The following SLC9B2 variants were observed in gnomAD, a reference collection of about 807,000 sequenced individuals.
The protein encoded by SLC9B2 is sodium/hydrogen exchanger 9B2.
A neutral mutation model predicts 52.2 loss-of-function variants in SLC9B2; 39 were observed. The ratio of observed to expected loss-of-function variants is 0.75; its 90% CI spans 0.58 to 0.98. The LOEUF (loss-of-function observed/expected upper bound fraction) is 0.98, where lower values mean the gene tolerates loss of function less well. SLC9B2 is among the 50% of genes least tolerant of loss of function. The pLI, the probability that SLC9B2 is intolerant of heterozygous loss-of-function variation, is 0.00. For missense variants in SLC9B2, 626 were observed against 637.5 expected (o/e 0.98, Z 0.19); for synonymous variants, 214 against 227.0 (o/e 0.94, Z 0.51).
At chr4:103,063,013 C>T (rs1178325338) in intron 3 of SLC9B2, among the ~76,000 whole-genome samples, 1 of 152,144 alleles carries the variant, frequency 6.6e-6, no homozygotes, top group African/African-American at 2.4e-5. Context: ...GAAAAATAAG[C>T]GATGAGATGT....
intron 4 of SLC9B2, among the ~76,000 whole-genome samples, chr4:103,054,146 G>C (rs1347916681): frequency 6.6e-6 from 1 of 152,078 alleles, no homozygotes; most frequent in South Asian, 2.1e-4. Context: ...ACATGTGCCT[G>C]TAGTCCCAGC....
Position 103,031,763 on chromosome 4 carries a change from G to A in SLC9B2, c.1192C>T (p.Pro398Ser). ...IIAVAWDIFQ[P>S]LLFGLIGAEV... ...GCTCCAATTAGTCCAAAAAGAAGGG[G>A]CTGAAAAATGTCCCAGGCAACTGCA... Residue 398 changes from proline (P) to serine (S), a missense_variant, in exon 10 of 12, where the codon CCC becomes TCC. Physicochemically the swap from Pro to Ser is moderately conservative, Grantham distance 74 (BLOSUM62 -1). Coordinates refer to ENST00000394785, the MANE Select transcript of SLC9B2 (RefSeq NM_178833.7). 6.2e-7 allele frequency: 1 copy of A among 1,612,762 alleles called. No homozygotes were observed. Among genetic ancestry groups the A allele is most frequent in the Non-Finnish European group, 8.5e-7 (1 of 1,179,200 alleles).
At chr4:103,057,517 G>A (rs867322666) in intron 4 of SLC9B2, among the ~76,000 whole-genome samples, 2 of 151,894 alleles carry the variant, frequency 1.3e-5, no homozygotes, top group Admixed American at 1.3e-4. Flanking sequence ...TGTTTGCCCT[G>A]GCTGGTCTCG....
rs58302558 is a variant in SLC9B2, at chr4:103,065,180, GCACACACA to G, written c.271+1139_271+1146del. On this transcript the variant is annotated intron_variant, in intron 3 of 11. Transcript: ENST00000394785. ...CATGAAAAAAAAAATGTACACACAC[GCACACACA>G]CACACACACACACACACACATATAA... Among the ~76,000 whole-genome samples, 425 of 145,154 alleles carry G rather than the reference GCACACACA, an allele frequency of 2.9e-3. 1 individual carries two copies. The highest frequency in any genetic ancestry group is 0.017 in the Middle Eastern group (5 of 286).
chr4:103,034,162 A>T (rs1236684394), intron 9 of SLC9B2, among the ~76,000 whole-genome samples: 4 of 152,108 alleles, frequency 2.6e-5, no homozygotes, highest in African/African-American at 4.8e-5. Context: ...CACACCTACA[A>T]CCATGTGATC....
At chr4:103,018,900 G>C (rs79920530), downstream of SLC9B2, among the ~76,000 whole-genome samples, 489 of 152,316 alleles carry the variant, frequency 3.2e-3, 5 homozygotes, top group Middle Eastern at 0.017. Flanking sequence ...CCTGTCAGAT[G>C]AGCAAAGGCA....
rs573499435 is a variant in SLC9B2 at position 103,049,971 on chromosome 4, C to T, written c.585+269G>A. Among the ~76,000 whole-genome samples, 9 of 151,714 alleles carry T rather than the reference C, an allele frequency of 5.9e-5. No homozygotes were observed. In the South Asian group the frequency reaches 1.9e-3, roughly 32 times the overall value. On this transcript the variant is annotated intron_variant, in intron 5 of 11. Transcript: ENST00000394785. The stretch of plus-strand genomic sequence containing the variant: ...GAGGTTGCAGTGAGCTGAGATCAAG[C>T]CGCTGTACTCCAGCCTGGGTGACAG...
At chr4:103,049,738 G>A (rs1466704989) in intron 5 of SLC9B2, among the ~76,000 whole-genome samples, 11 of 152,172 alleles carry the variant, frequency 7.2e-5, no homozygotes, top group Non-Finnish European at 1.3e-4. Flanking sequence ...CCGGCTGGGC[G>A]CAGTGGCTCA....
At chr4:103,026,918 A>C (rs557160603) in intron 11 of SLC9B2, among the ~76,000 whole-genome samples, 1 of 151,870 alleles carries the variant, frequency 6.6e-6, no homozygotes, top group Non-Finnish European at 1.5e-5. Context: ...TTGTTTTTTT[A>C]CTTTTTTAGA....
rs1283461943 is a variant in SLC9B2, at chr4:103,023,176, C to A, written c.*3194G>T. Reference sequence around the variant, plus strand: ...TATTGAGAGAGGATCCTCTTCCTCTCAGATTTAGTCAGTAAATGTTTATTA... The same window carrying A: ...TATTGAGAGAGGATCCTCTTCCTCTAAGATTTAGTCAGTAAATGTTTATTA... On this transcript the variant is annotated 3_prime_UTR_variant, in exon 12 of 12. Transcript: ENST00000394785. Among the ~76,000 whole-genome samples, 1 of 152,172 alleles carries A rather than the reference C, an allele frequency of 6.6e-6. No homozygotes were observed. Among genetic ancestry groups the A allele is most frequent in the Non-Finnish European group, 1.5e-5 (1 of 68,040 alleles).
downstream of SLC9B2, among the ~76,000 whole-genome samples, chr4:103,021,573 C>T (rs984601951): frequency 6.6e-6 from 1 of 152,066 alleles, no homozygotes; most frequent in East Asian, 1.9e-4. Context: ...GCAACAAAGT[C>T]ATGGAAAGCA....
intron 9 of SLC9B2, among the ~76,000 whole-genome samples, chr4:103,041,628 T>C (rs562475217): frequency 6.6e-6 from 1 of 152,322 alleles, no homozygotes; most frequent in Non-Finnish European, 1.5e-5. Flanking sequence ...GTTTATTCTT[T>C]TTATCCTATC....
rs117292892 is a variant in SLC9B2 at position 103,035,516 on chromosome 4, G to A, written c.1147-3708C>T. 1.3e-3 allele frequency among the ~76,000 whole-genome samples: 195 copies of A among 152,242 alleles called. No homozygotes were observed. The Middle Eastern group carries it at 0.017, about 13-fold the overall frequency. The stretch of plus-strand genomic sequence containing the variant: ...ATATACCCAGTAATAGGATTGCTGA[G>A]TCAAATGCATTTCTGTCTTTAGGTG... On this transcript the variant is annotated intron_variant, in intron 9 of 11. Coordinates refer to ENST00000394785, the MANE Select transcript of SLC9B2 (RefSeq NM_178833.7).
Position 103,024,216 on chromosome 4 carries a change from G to C in SLC9B2, c.*2154C>G, listed in dbSNP as rs924015055. On this transcript the variant is annotated 3_prime_UTR_variant, in exon 12 of 12. Transcript: ENST00000394785. Reference sequence around the variant, plus strand: ...GGGACAATATTATTCTTGATGATGTGCCTGGATCTCAAAAGCTTTCAGTAA... The same window carrying C: ...GGGACAATATTATTCTTGATGATGTCCCTGGATCTCAAAAGCTTTCAGTAA... Among the ~76,000 whole-genome samples the C allele has an allele frequency of 1.4e-4, 22 of 152,110 alleles. No homozygotes were observed. The highest frequency in any genetic ancestry group is 4.6e-4 in the African/African-American group (19 of 41,408).
intron 9 of SLC9B2, among the ~76,000 whole-genome samples, chr4:103,038,146 C>A (rs1180497111): frequency 3.9e-5 from 6 of 152,082 alleles, no homozygotes; most frequent in African/African-American, 1.4e-4. Context: ...CAGGTGTGAG[C>A]CACTGCACCC....
chr4:103,051,627 C>T (rs1324718125), intron 4 of SLC9B2, among the ~76,000 whole-genome samples: 3 of 152,178 alleles, frequency 2.0e-5, no homozygotes, highest in Non-Finnish European at 4.4e-5. Context: ...TAAGACATTG[C>T]TGACAAAATG....
At chr4:103,033,192 A>G (rs908462350) in intron 9 of SLC9B2, among the ~76,000 whole-genome samples, 1 of 152,188 alleles carries the variant, frequency 6.6e-6, no homozygotes, top group Non-Finnish European at 1.5e-5. Flanking sequence ...CCATAAACCA[A>G]AAAAGTGACA....
intron 9 of SLC9B2, among the ~76,000 whole-genome samples, chr4:103,037,405 T>C (rs565504017): frequency 9.8e-5 from 15 of 152,352 alleles, no homozygotes; most frequent in Non-Finnish European, 1.5e-4. Flanking sequence ...TGAGAACCTA[T>C]TGACAATGCT....
chr4:103,045,049 T>C (rs1236533590), intron 7 of SLC9B2, 53 bp from the exon 8 acceptor site: 7 of 1,175,704 alleles, frequency 6.0e-6, no homozygotes, highest in Non-Finnish European at 8.8e-6. Flanking sequence ...AATACACAGG[T>C]TTTATTCCAC....
Sources: gnomAD v4.1 joint callset for allele counts (sites outside exome capture counted in the v4.1 genomes callset) on GRCh38, gnomAD v4.1.1 for gene constraint, MANE v1.5 for transcripts, NCBI Gene and HGNC (gene_info 2026-07-23, HGNC 2026-07-21) for gene names.